Variants in CLVS1 observed in about 807,000 individuals in gnomAD.
The protein encoded by CLVS1 is clavesin-1.
Under a neutral mutation model 33.1 loss-of-function variants are expected in CLVS1, and 10 were observed. That is an observed-to-expected ratio of 0.30 (90% CI 0.19 to 0.51). The LOEUF (loss-of-function observed/expected upper bound fraction) is 0.51. CLVS1 is among the 20% of genes least tolerant of loss of function. CLVS1 has a pLI of 0.97. For synonymous variants in CLVS1, 163 were observed against 166.1 expected (o/e 0.98, Z 0.14); for missense variants, 343 against 433.4 (o/e 0.79, Z 1.85).
intron 2 of CLVS1, among the ~76,000 whole-genome samples, chr8:61,333,015 T>G (rs999129673): frequency 4.6e-5 from 7 of 152,240 alleles, no homozygotes; most frequent in Admixed American, 1.3e-4. Flanking sequence ...TCATATGTTT[T>G]GTTTCCATTT....
chr8:61,204,296 A>G (rs1807796969), intron 2 of CLVS1, among the ~76,000 whole-genome samples: 1 of 152,224 alleles, frequency 6.6e-6, no homozygotes, highest in Non-Finnish European at 1.5e-5. Context: ...CATGGTGCCT[A>G]TGTTCTTGGG....
chr8:60,984,361 C>T, the CLVS1 span, among the ~76,000 whole-genome samples: 1 of 150,036 alleles, frequency 6.7e-6, no homozygotes, highest in South Asian at 2.1e-4. Context: ...GCTTTTGTCA[C>T]CCAGGCTGGA....
chr8:61,207,561 T>C (rs1347381686), intron 2 of CLVS1, among the ~76,000 whole-genome samples: 2 of 152,238 alleles, frequency 1.3e-5, no homozygotes, highest in South Asian at 2.1e-4. Context: ...GTGACCAATA[T>C]ATATGCAGTT....
At chr8:61,042,038 A>C in the CLVS1 span, among the ~76,000 whole-genome samples, 1 of 151,962 alleles carries the variant, frequency 6.6e-6, no homozygotes, top group Admixed American at 6.6e-5. Flanking sequence ...GTTAACTTGG[A>C]CCTCCTCTGG....
At chr8:60,966,365 C>T in the CLVS1 span, 1 of 455,916 alleles carries the variant, frequency 2.2e-6, no homozygotes, top group South Asian at 1.5e-5. Flanking sequence ...ACAAGAATCA[C>T]CCCAGGACTT....
intron 2 of CLVS1, among the ~76,000 whole-genome samples, chr8:61,234,203 G>A (rs942572081): frequency 2.0e-4 from 31 of 152,114 alleles, no homozygotes; most frequent in African/African-American, 6.5e-4. Flanking sequence ...CTGTGGCCAG[G>A]GGGTAGAGAA....
chr8:61,391,685 A>T (rs1213504962), intron 3 of CLVS1, among the ~76,000 whole-genome samples: 1 of 152,220 alleles, frequency 6.6e-6, no homozygotes, highest in East Asian at 1.9e-4. Context: ...TTAATGCCCT[A>T]ATCTGTAGAC....
At chr8:61,189,318 A>C (rs574130364) in intron 2 of CLVS1, among the ~76,000 whole-genome samples, 1 of 152,326 alleles carries the variant, frequency 6.6e-6, no homozygotes, top group East Asian at 1.9e-4. Flanking sequence ...CAGACAAGCA[A>C]ATGCTGAGAG....
At chr8:61,423,503 C>T (rs1443444670) in intron 3 of CLVS1, among the ~76,000 whole-genome samples, 2 of 152,186 alleles carry the variant, frequency 1.3e-5, no homozygotes, top group African/African-American at 4.8e-5. Context: ...CCTTTTCTCA[C>T]TTAGTTATAA....
intron 1 of CLVS1, among the ~76,000 whole-genome samples, chr8:61,296,844 C>T (rs1383890062): frequency 6.6e-6 from 1 of 152,154 alleles, no homozygotes; most frequent in African/African-American, 2.4e-5. Flanking sequence ...GGAGCTGACT[C>T]TTTTGGCCAC....
intron 2 of CLVS1, among the ~76,000 whole-genome samples, chr8:61,321,986 T>C (rs562593071): frequency 1.3e-5 from 2 of 152,166 alleles, no homozygotes; most frequent in Non-Finnish European, 2.9e-5. Context: ...AAACATTGTA[T>C]ATTTAGTAGT....
At chr8:61,131,495 G>T (rs186642065) in intron 1 of CLVS1, among the ~76,000 whole-genome samples, 1 of 152,276 alleles carries the variant, frequency 6.6e-6, no homozygotes, top group African/African-American at 2.4e-5. Context: ...TCACTGAAAG[G>T]TGAGGAAGGA....
chr8:61,354,566 C>G (rs62524921), intron 2 of CLVS1, among the ~76,000 whole-genome samples: 17,154 of 151,930 alleles, frequency 0.11, 1,141 homozygotes, highest in Middle Eastern at 0.19. Flanking sequence ...TAGCCAAAAC[C>G]CAAAATCAGC....
chr8:60,984,099 C>G, the CLVS1 span, among the ~76,000 whole-genome samples: 1 of 152,140 alleles, frequency 6.6e-6, no homozygotes, highest in African/African-American at 2.4e-5. Context: ...CCCTCCCCTG[C>G]TCCTTCCTCA....
chr8:61,289,330 A>G (rs1450254738), intron 1 of CLVS1, among the ~76,000 whole-genome samples: 1 of 152,234 alleles, frequency 6.6e-6, no homozygotes, highest in Non-Finnish European at 1.5e-5. Context: ...GGGAAGTTGG[A>G]ACACCTTTCA....
chr8:61,315,686 A>G (rs1810984274), intron 2 of CLVS1, among the ~76,000 whole-genome samples: 1 of 152,298 alleles, frequency 6.6e-6, no homozygotes, highest in African/African-American at 2.4e-5. Context: ...AGTGGTCTAC[A>G]TGGTTGAAGC....
At chr8:61,309,032 C>A (rs1295755427) in intron 2 of CLVS1, among the ~76,000 whole-genome samples, 1 of 152,186 alleles carries the variant, frequency 6.6e-6, no homozygotes. Flanking sequence ...GTCCCTCTCC[C>A]AGCCAAGAGG....
chr8:61,377,799 T>G (rs1487080621), intron 3 of CLVS1: 1 of 152,204 alleles, frequency 6.6e-6, no homozygotes, highest in Non-Finnish European at 1.5e-5. Context: ...TTTATTGAAA[T>G]GTATCCTATT....
At chr8:61,082,753 G>A (rs1172145112) in intron 1 of CLVS1, among the ~76,000 whole-genome samples, 1 of 152,150 alleles carries the variant, frequency 6.6e-6, no homozygotes, top group Non-Finnish European at 1.5e-5. Context: ...TCCTTCAAAA[G>A]GAAGGGATAG....
Sources: allele counts gnomAD v4.1 joint callset (sites outside exome capture counted in the v4.1 genomes callset), GRCh38; gene constraint gnomAD v4.1.1; transcripts MANE v1.5; gene names NCBI Gene and HGNC (gene_info 2026-07-23, HGNC 2026-07-21).